MAGI1: variants seen among roughly 807,000 people sequenced by gnomAD.
MAGI1 encodes the protein membrane-associated guanylate kinase, WW and PDZ domain-containing protein 1.
MAGI1 carries 58 observed loss-of-function variants against 139.9 expected under a neutral mutation model. That is an observed-to-expected ratio of 0.41 (90% CI 0.34 to 0.52). The LOEUF is 0.52. Among genes scored for constraint, MAGI1 ranks in the 20% least tolerant of loss-of-function variants. The pLI is 0.12. For missense variants in MAGI1, 1,874 were observed against 1,901.6 expected (o/e 0.99, Z 0.27); for synonymous variants, 812 against 737.9 (o/e 1.10, Z -1.63).
chr3:65,794,902 C>G (rs1283648078), intron 1 of MAGI1, among the ~76,000 whole-genome samples: 1 of 143,084 alleles, frequency 7.0e-6, no homozygotes, highest in African/African-American at 2.6e-5. Flanking sequence ...AATATATAAA[C>G]AGACATTTCA....
intron 2 of MAGI1, among the ~76,000 whole-genome samples, chr3:65,619,199 C>T (rs2083539094): frequency 6.6e-6 from 1 of 152,160 alleles, no homozygotes; most frequent in South Asian, 2.1e-4. Flanking sequence ...AGTAATATGG[C>T]ATTTCAAATG....
At chr3:65,889,064 C>T (rs115505870) in intron 1 of MAGI1, among the ~76,000 whole-genome samples, 52 of 152,178 alleles carry the variant, frequency 3.4e-4, no homozygotes, top group African/African-American at 1.3e-3. Context: ...AGATTCATAG[C>T]AGTTTTCCAA....
chr3:66,011,702 G>A (rs1213649451), intron 1 of MAGI1, among the ~76,000 whole-genome samples: 1 of 152,028 alleles, frequency 6.6e-6, no homozygotes, highest in Non-Finnish European at 1.5e-5. Flanking sequence ...TGGTTGAGAC[G>A]ACTTCACAGC....
chr3:65,686,218 G>C (rs1013563704), intron 1 of MAGI1, among the ~76,000 whole-genome samples: 2 of 152,086 alleles, frequency 1.3e-5, no homozygotes, highest in African/African-American at 4.8e-5. Context: ...CCCATTCATT[G>C]GCCTTTGGAT....
chr3:65,553,530 C>A (rs1476105807), intron 2 of MAGI1, among the ~76,000 whole-genome samples: 1 of 152,120 alleles, frequency 6.6e-6, no homozygotes, highest in Admixed American at 6.5e-5. Flanking sequence ...TGAACAGACA[C>A]GGTGATGAGA....
intron 18 of MAGI1, among the ~76,000 whole-genome samples, chr3:65,373,675 T>C (rs1348343053): frequency 1.3e-5 from 2 of 152,222 alleles, no homozygotes; most frequent in African/African-American, 4.8e-5. Flanking sequence ...TCTGGCTTCC[T>C]TCATCCTTCC....
At chr3:65,374,082 C>A (rs1217797992) in intron 18 of MAGI1, among the ~76,000 whole-genome samples, 1 of 152,036 alleles carries the variant, frequency 6.6e-6, no homozygotes, top group Non-Finnish European at 1.5e-5. Flanking sequence ...AGATACATGG[C>A]ATAGAGTTTT....
intron 1 of MAGI1, among the ~76,000 whole-genome samples, chr3:65,698,687 A>G (rs1439070851): frequency 6.6e-6 from 1 of 151,466 alleles, no homozygotes; most frequent in African/African-American, 2.4e-5. Context: ...AGAAAGCTGA[A>G]ACTGGATCCC....
chr3:65,485,621 T>C (rs953802265), intron 3 of MAGI1, among the ~76,000 whole-genome samples: 1 of 152,234 alleles, frequency 6.6e-6, no homozygotes, highest in Non-Finnish European at 1.5e-5. Context: ...GGTTAATGTG[T>C]AAAAGAGTGT....
intron 1 of MAGI1, among the ~76,000 whole-genome samples, chr3:65,768,629 C>T (rs2107925345): frequency 6.6e-6 from 1 of 152,184 alleles, no homozygotes; most frequent in South Asian, 2.1e-4. Context: ...ATAATAACAG[C>T]CAGCTATGGG....
At position 65,898,922 on chromosome 3, in the gene MAGI1, T is replaced by A. The variant is rs60071139; in HGVS notation, c.313+139074A>T. On this transcript the variant is annotated intron_variant, in intron 1 of 22. Coordinates refer to ENST00000402939, the MANE Select transcript of MAGI1 (RefSeq NM_001033057.2). ...TATTTTTAAATAATTAAAGAAAATTTAAAAAAATTTTTTTTTGAGACTTGG... is the reference window on the plus strand; with the variant it reads ...TATTTTTAAATAATTAAAGAAAATTAAAAAAAATTTTTTTTTGAGACTTGG... 4.2e-3 allele frequency among the ~76,000 whole-genome samples: 640 copies of A among 152,268 alleles called. 2 individuals carry two copies. Among genetic ancestry groups the A allele is most frequent in the African/African-American group, 0.014 (562 of 41,570 alleles).
chr3:65,452,125 ATAAAACAAAGCAACCAAG>A (rs1949067289), intron 6 of MAGI1, among the ~76,000 whole-genome samples: 1 of 582 alleles, frequency 1.7e-3, no homozygotes, highest in Non-Finnish European at 3.2e-3. Flanking sequence ...AGCAACCAAG[ATAAAACAAAGCAACCAAG>A]ATAAAACAAA....
intron 1 of MAGI1, among the ~76,000 whole-genome samples, chr3:65,924,568 G>A (rs577487147): frequency 9.9e-5 from 15 of 152,238 alleles, no homozygotes; most frequent in South Asian, 2.1e-4. Context: ...AGGCCATCCC[G>A]CATCCCCAAA....
At chr3:65,462,177 T>A (rs9713315) in intron 5 of MAGI1, among the ~76,000 whole-genome samples, 131,357 of 151,682 alleles carry the variant, frequency 0.87, 57,095 homozygotes, top group East Asian at 0.97. Flanking sequence ...GGTGTTTTAG[T>A]CATGAAGTCT....
chr3:65,923,499 A>T (rs1263653984), intron 1 of MAGI1, among the ~76,000 whole-genome samples: 2 of 152,166 alleles, frequency 1.3e-5, no homozygotes, highest in Non-Finnish European at 2.9e-5. Flanking sequence ...TGCTGGGATT[A>T]CAGGCATGAG....
chr3:65,417,196 T>A (rs1024957573), intron 12 of MAGI1, among the ~76,000 whole-genome samples: 2 of 152,070 alleles, frequency 1.3e-5, no homozygotes, highest in African/African-American at 4.8e-5. Context: ...AGTGACAGCA[T>A]CAGGAAGAAT....
intron 16 of MAGI1, 76 bp downstream of exon 16, chr3:65,381,801 G>A: frequency 7.6e-7 from 1 of 1,321,988 alleles, no homozygotes; most frequent in Non-Finnish European, 1.0e-6. Flanking sequence ...CGCTCAAGGA[G>A]GCAGACACAG....
At chr3:65,933,836 C>T (rs765690893) in intron 1 of MAGI1, among the ~76,000 whole-genome samples, 1 of 152,020 alleles carries the variant, frequency 6.6e-6, no homozygotes, top group Non-Finnish European at 1.5e-5. Flanking sequence ...TAAACATATC[C>T]CCATTCCGGT....
chr3:65,777,655 A>AAAAG (rs1553705567), intron 1 of MAGI1, among the ~76,000 whole-genome samples: 15 of 145,446 alleles, frequency 1.0e-4, no homozygotes, highest in African/African-American at 1.5e-4. Context: ...AAAAAAAAAA[A>AAAAG]AAAGAAAGAA....
Sources: gnomAD v4.1 joint callset for allele counts (sites outside exome capture counted in the v4.1 genomes callset) on GRCh38, gnomAD v4.1.1 for gene constraint, MANE v1.5 for transcripts, NCBI Gene and HGNC (gene_info 2026-07-23, HGNC 2026-07-21) for gene names.